The following WWOX variants were observed in gnomAD, a reference collection of about 807,000 sequenced individuals.
WWOX encodes the protein WW domain-containing oxidoreductase.
A neutral mutation model predicts 46.2 loss-of-function variants in WWOX; 69 were observed. The observed-to-expected ratio is 1.49, with a 90% CI of 1.23 to 1.82. The LOEUF (loss-of-function observed/expected upper bound fraction) is 1.82, where lower values mean the gene tolerates loss of function less well. WWOX is among the 40% of genes most tolerant of loss of function. The pLI is 0.00. For synonymous variants in WWOX, 359 were observed against 202.6 expected, an observed-to-expected ratio of 1.77 and a Z score of -6.56; for missense variants, 919 against 542.6, an observed-to-expected ratio of 1.69 and a Z score of -6.89.
chr16:78,541,147 G>T (rs1229031221), intron 8 of WWOX, among the ~76,000 whole-genome samples: 2 of 152,070 alleles, frequency 1.3e-5, no homozygotes, highest in Admixed American at 1.3e-4. Context: ...TTACAAAATT[G>T]CACATACTCT....
chr16:78,912,091 G>C (rs934072016), intron 8 of WWOX, among the ~76,000 whole-genome samples: 7 of 151,306 alleles, frequency 4.6e-5, no homozygotes, highest in African/African-American at 7.3e-5. Flanking sequence ...TGTTTCTTTG[G>C]ACAGGTTTTC....
At chr16:78,165,412 A>T (rs527355072) in intron 5 of WWOX, among the ~76,000 whole-genome samples, 1 of 152,348 alleles carries the variant, frequency 6.6e-6, no homozygotes, top group East Asian at 1.9e-4. Flanking sequence ...TGTAAACTTG[A>T]AAAAGCAGTG....
chr16:78,441,055 G>A (rs1164200558), intron 8 of WWOX, among the ~76,000 whole-genome samples: 1 of 152,258 alleles, frequency 6.6e-6, no homozygotes, highest in East Asian at 1.9e-4. Context: ...CGATTCTCCT[G>A]TGTCAGCCTC....
At chr16:78,451,154 G>A (rs963233412) in intron 8 of WWOX, among the ~76,000 whole-genome samples, 1 of 152,094 alleles carries the variant, frequency 6.6e-6, no homozygotes, top group Non-Finnish European at 1.5e-5. Context: ...AGTGGAGGCC[G>A]ATTTCATCCA....
At chr16:78,171,513 C>A (rs2035160095) in intron 5 of WWOX, among the ~76,000 whole-genome samples, 2 of 152,028 alleles carry the variant, frequency 1.3e-5, no homozygotes, top group South Asian at 4.2e-4. Context: ...AAAATACGAG[C>A]CTCATGCCTG....
rs369128894 is a variant in WWOX, at chr16:78,687,445, G to A, written c.1056+254693G>A. Among the ~76,000 whole-genome samples, 15 of 152,252 alleles carry A rather than the reference G, an allele frequency of 9.9e-5. No individual in the cohort carries two copies. The East Asian group carries it at 1.2e-3, about 12-fold the overall frequency. Reference sequence around the variant, plus strand: ...TTGCATGCTGATAAATATTTATCACGGTTAAGTGAACAATCATTTGGAGAC... The same window carrying A: ...TTGCATGCTGATAAATATTTATCACAGTTAAGTGAACAATCATTTGGAGAC... On this transcript the variant is annotated intron_variant, in intron 8 of 8. Transcript: ENST00000566780.
chr16:78,778,712 G>T (rs1325681019), intron 8 of WWOX, among the ~76,000 whole-genome samples: 1 of 152,160 alleles, frequency 6.6e-6, no homozygotes, highest in Non-Finnish European at 1.5e-5. Flanking sequence ...GGGAAGGTTT[G>T]CAGATTGGCC....
chr16:78,298,505 C>T (rs537553397), intron 5 of WWOX, among the ~76,000 whole-genome samples: 2 of 152,230 alleles, frequency 1.3e-5, no homozygotes, highest in South Asian at 4.2e-4. Flanking sequence ...ATAATAGTCA[C>T]AGCTAGCTGG....
intron 8 of WWOX, among the ~76,000 whole-genome samples, chr16:78,481,762 T>TGC (rs200025808): frequency 0.011 from 1,620 of 147,206 alleles, 17 homozygotes; most frequent in South Asian, 0.017. Context: ...TGTGTGTGTG[T>TGC]GTGCGCGCGC....
intron 8 of WWOX, among the ~76,000 whole-genome samples, chr16:78,914,698 T>C (rs2045201761): frequency 6.6e-6 from 1 of 151,254 alleles, no homozygotes; most frequent in Admixed American, 6.6e-5. Flanking sequence ...GCTAACACGG[T>C]GAAACCCCGT....
chr16:79,128,698 A>G (rs879672323), intron 8 of WWOX, among the ~76,000 whole-genome samples: 6 of 152,200 alleles, frequency 3.9e-5, no homozygotes, highest in Non-Finnish European at 7.3e-5. Flanking sequence ...ACTTATTTCT[A>G]AAGTGTTGGG....
At chr16:78,631,513 A>C (rs2046430139) in intron 8 of WWOX, among the ~76,000 whole-genome samples, 1 of 151,974 alleles carries the variant, frequency 6.6e-6, no homozygotes, top group Non-Finnish European at 1.5e-5. Flanking sequence ...GATTATGTTC[A>C]ACAGATATTT....
At chr16:79,085,724 T>C (rs370761116) in intron 8 of WWOX, among the ~76,000 whole-genome samples, 139 of 152,156 alleles carry the variant, frequency 9.1e-4, no homozygotes, top group African/African-American at 3.3e-3. Flanking sequence ...TACCCTATAG[T>C]CAAAAGGCAT....
intron 5 of WWOX, among the ~76,000 whole-genome samples, chr16:78,298,470 G>A (rs751200434): frequency 9.9e-5 from 15 of 152,032 alleles, no homozygotes; most frequent in Non-Finnish European, 1.8e-4. Context: ...TATGAGTCCC[G>A]GTTTTCTCCT....
intron 8 of WWOX, among the ~76,000 whole-genome samples, chr16:78,490,274 G>C (rs1331377643): frequency 8.3e-6 from 1 of 120,754 alleles, no homozygotes; most frequent in Non-Finnish European, 1.7e-5. Context: ...AAGCCTTTTG[G>C]AAGTGCACAG....
chr16:79,087,249 C>G (rs958306789), intron 8 of WWOX, among the ~76,000 whole-genome samples: 3 of 152,222 alleles, frequency 2.0e-5, no homozygotes, highest in African/African-American at 7.2e-5. Flanking sequence ...CCTCTCTTCC[C>G]CAGCCAGGAG....
intron 8 of WWOX, among the ~76,000 whole-genome samples, chr16:79,200,230 G>C (rs1213021442): frequency 6.6e-6 from 1 of 152,178 alleles, no homozygotes; most frequent in African/African-American, 2.4e-5. Flanking sequence ...ATGGAGCTCA[G>C]AAAGGAGGAG....
chr16:79,004,868 T>A (rs909884928), intron 8 of WWOX: 11 of 152,186 alleles, frequency 7.2e-5, no homozygotes, highest in African/African-American at 2.7e-4. Flanking sequence ...TATGTGAGAT[T>A]TTATTATTTG....
chr16:78,101,415 C>G (rs140846646), intron 1 of WWOX, among the ~76,000 whole-genome samples: 1 of 141,622 alleles, frequency 7.1e-6, no homozygotes, highest in African/African-American at 2.6e-5. Context: ...GGTGCGATCT[C>G]GGTTCACTGC....
Sources: allele counts gnomAD v4.1 joint callset (sites outside exome capture counted in the v4.1 genomes callset), GRCh38; gene constraint gnomAD v4.1.1; transcripts MANE v1.5; gene names NCBI Gene and HGNC (gene_info 2026-07-23, HGNC 2026-07-21).